ABI1: variants seen among roughly 807,000 people sequenced by gnomAD.
ABI1 encodes the protein Abelson interactor 1.
ABI1 carries 14 observed loss-of-function variants against 54.6 expected under a neutral mutation model. The ratio of observed to expected loss-of-function variants is 0.26; its 90% CI spans 0.17 to 0.40. ABI1 has a LOEUF of 0.40. ABI1 is among the 10% of genes least tolerant of loss of function. The pLI is 1.00. For missense variants in ABI1, 443 were observed against 598.3 expected (o/e 0.74, Z 2.71); for synonymous variants, 194 against 209.3 (o/e 0.93, Z 0.63).
chr10:26,777,711 C>T (rs899565261), intron 2 of ABI1, among the ~76,000 whole-genome samples: 1 of 151,844 alleles, frequency 6.6e-6, no homozygotes, highest in African/African-American at 2.4e-5. Flanking sequence ...GAGGTCGAGG[C>T]TGCAGTGAGC....
intron 2 of ABI1, among the ~76,000 whole-genome samples, chr10:26,798,131 G>A (rs1844425512): frequency 6.6e-6 from 1 of 152,200 alleles, no homozygotes; most frequent in Admixed American, 6.5e-5. Flanking sequence ...GAACAAGGCT[G>A]CAGCTACTCT....
At chr10:26,836,260 G>A in intron 1 of ABI1, among the ~76,000 whole-genome samples, 1 of 151,854 alleles carries the variant, frequency 6.6e-6, no homozygotes, top group East Asian at 1.9e-4. Context: ...CTACAGGCGT[G>A]CGCCACCACA....
chr10:26,749,481 T>TGTTTCAC, intron 10 of ABI1, among the ~76,000 whole-genome samples: 1 of 152,350 alleles, frequency 6.6e-6, no homozygotes, highest in African/African-American at 2.4e-5. Flanking sequence ...ACATACACCT[T>TGTTTCAC]ATACACATAG....
chr10:26,839,981 T>A (rs1300584019), intron 1 of ABI1, among the ~76,000 whole-genome samples: 1 of 151,604 alleles, frequency 6.6e-6, no homozygotes, highest in East Asian at 1.9e-4. Flanking sequence ...CATAGAGAGA[T>A]CCTGTATCAA....
At chr10:26,786,041 C>A (rs1279205583) in intron 2 of ABI1, among the ~76,000 whole-genome samples, 1 of 152,134 alleles carries the variant, frequency 6.6e-6, no homozygotes, top group Admixed American at 6.5e-5. Context: ...TTTTAGCTTG[C>A]ATGGAGGGCA....
chr10:26,839,110 C>T (rs1456060879), intron 1 of ABI1, among the ~76,000 whole-genome samples: 1 of 152,198 alleles, frequency 6.6e-6, no homozygotes, highest in East Asian at 1.9e-4. Flanking sequence ...ACATAGGGTT[C>T]TATAAATGGA....
chr10:26,822,286 C>T (rs1039223642), intron 2 of ABI1, among the ~76,000 whole-genome samples: 2 of 152,144 alleles, frequency 1.3e-5, no homozygotes, highest in African/African-American at 4.8e-5. Context: ...GTGGTATAAC[C>T]ACTTTGAAAA....
chr10:26,756,707 G>A (rs754749484), intron 8 of ABI1, among the ~76,000 whole-genome samples: 1 of 152,062 alleles, frequency 6.6e-6, no homozygotes, highest in Non-Finnish European at 1.5e-5. Flanking sequence ...GCCAAAGATT[G>A]CTTAGAAAAA....
In ABI1 at chr10:26,822,858, T is replaced by C. The variant is rs555169207; in HGVS notation, c.285+280A>G. Among the ~76,000 whole-genome samples, 13 of 152,300 alleles carry C rather than the reference T, an allele frequency of 8.5e-5. 1 individual carries two copies. The South Asian group carries it at 2.1e-3, about 24-fold the overall frequency. Reference sequence around the variant, plus strand: ...AATAACTTTACGTCAGAAAAGCTCTTAACAGTAGGACAGTGGTGACAGTTG... The same window carrying C: ...AATAACTTTACGTCAGAAAAGCTCTCAACAGTAGGACAGTGGTGACAGTTG... On this transcript the variant is annotated intron_variant, in intron 2 of 10. Transcript: ENST00000376140.
At chr10:26,846,342 CTTT>C (rs139282236) in intron 1 of ABI1, among the ~76,000 whole-genome samples, 10 of 139,474 alleles carry the variant, frequency 7.2e-5, no homozygotes, top group Middle Eastern at 3.6e-3. Flanking sequence ...TTTCTCTTTT[CTTT>C]TTTTTTTTTT....
chr10:26,748,119 TAAAC>T lies in ABI1; in HGVS notation c.*447_*450del, dbSNP rs1459587898. ...AATACATAAATTTTTATGCATGCTTTAAACAAACAGTATTTTTTTTAAATGAGAG... is the reference window on the plus strand; with the variant it reads ...AATACATAAATTTTTATGCATGCTTTAAACAGTATTTTTTTTAAATGAGAG... On this transcript the variant is annotated 3_prime_UTR_variant, in exon 11 of 11. Coordinates refer to ENST00000376140, the MANE Select transcript of ABI1 (RefSeq NM_001012750.3). 4.7e-6 allele frequency: 1 copy of T among 213,764 alleles called. No homozygotes were observed. The highest frequency in any genetic ancestry group is 9.4e-6 in the Non-Finnish European group (1 of 105,934). 13.2% of individuals were successfully genotyped at this position (213,764 alleles called of 1,614,324 possible). A position where few individuals can be genotyped will look rare whatever the true frequency, so the allele number is the denominator to read the frequency against.
At chr10:26,775,972 C>T (rs1452702678) in intron 3 of ABI1, among the ~76,000 whole-genome samples, 1 of 152,160 alleles carries the variant, frequency 6.6e-6, no homozygotes, top group Non-Finnish European at 1.5e-5. Flanking sequence ...ACATTTTCCC[C>T]AGATTCTCGA....
rs1011045016 is a variant in ABI1, at chr10:26,804,105, G to A, written c.285+19033C>T. ...CAAAGTCAAATACAATAGATCGGCT[G>A]GGTGTGGTGGCTCATGTCTGTAATC... On this transcript the variant is annotated intron_variant, in intron 2 of 10. Coordinates refer to ENST00000376140, the MANE Select transcript of ABI1 (RefSeq NM_001012750.3). 2.6e-5 allele frequency among the ~76,000 whole-genome samples: 4 copies of A among 152,282 alleles called. No homozygotes were observed. In the East Asian group the frequency reaches 5.8e-4, roughly 22 times the overall value.
chr10:26,787,607 A>T (rs952352554), intron 2 of ABI1, among the ~76,000 whole-genome samples: 1 of 152,224 alleles, frequency 6.6e-6, no homozygotes, highest in African/African-American at 2.4e-5. Context: ...GGTTTGGAAC[A>T]TTTGTATAAC....
At chr10:26,815,357 T>C (rs1031807829) in intron 2 of ABI1, among the ~76,000 whole-genome samples, 1 of 152,216 alleles carries the variant, frequency 6.6e-6, no homozygotes, top group African/African-American at 2.4e-5. Context: ...ATTGATAGTA[T>C]TAACAGCTTT....
chr10:26,826,341 G>A (rs1020663316), intron 1 of ABI1, among the ~76,000 whole-genome samples: 3 of 152,182 alleles, frequency 2.0e-5, no homozygotes, highest in African/African-American at 7.2e-5. Context: ...TATCCGAGCA[G>A]GTCTCAACAG....
intron 2 of ABI1, among the ~76,000 whole-genome samples, chr10:26,778,153 C>T (rs1841662891): frequency 6.6e-6 from 1 of 152,138 alleles, no homozygotes; most frequent in Non-Finnish European, 1.5e-5. Flanking sequence ...CAGATATAAA[C>T]TGTCAGCAAG....
At chr10:26,805,700 T>C (rs972913825) in intron 2 of ABI1, among the ~76,000 whole-genome samples, 1 of 152,200 alleles carries the variant, frequency 6.6e-6, no homozygotes, top group African/African-American at 2.4e-5. Flanking sequence ...AGATACTGCC[T>C]TTCCTTTGAT....
At chr10:26,799,527 A>G (rs2133341671) in intron 2 of ABI1, among the ~76,000 whole-genome samples, 1 of 152,328 alleles carries the variant, frequency 6.6e-6, no homozygotes, top group South Asian at 2.1e-4. Flanking sequence ...GCAGGTGGCT[A>G]GAAAGGAAAC....
Sources: gnomAD v4.1 joint callset for allele counts (sites outside exome capture counted in the v4.1 genomes callset) on GRCh38, gnomAD v4.1.1 for gene constraint, MANE v1.5 for transcripts, NCBI Gene and HGNC (gene_info 2026-07-23, HGNC 2026-07-21) for gene names.